The following B3GLCT variants were observed in gnomAD, a reference collection of about 807,000 sequenced individuals.
B3GLCT encodes the protein beta 3-glucosyltransferase, also known as beta-1,3-glucosyltransferase.
A neutral mutation model predicts 63.4 loss-of-function variants in B3GLCT; 65 were observed. That is an observed-to-expected ratio of 1.03 (90% confidence interval 0.84 to 1.26). B3GLCT has a LOEUF of 1.26. Among genes scored for constraint, B3GLCT ranks in the 50% most tolerant of loss-of-function variants. The probability of loss-of-function intolerance (pLI) is 0.00; values close to 1 mark genes in which losing one functional copy is unlikely to be tolerated. For missense variants in B3GLCT, 577 were observed against 604.8 expected (o/e 0.95, Z 0.48); for synonymous variants, 233 against 219.2 (o/e 1.06, Z -0.55).
At chr13:31,224,148 T>C (rs1869972715) in intron 3 of B3GLCT, among the ~76,000 whole-genome samples, 1 of 150,518 alleles carries the variant, frequency 6.6e-6, no homozygotes, top group Non-Finnish European at 1.5e-5. Flanking sequence ...CACAGGGGAG[T>C]GTTTTGGGGT....
intron 1 of B3GLCT, among the ~76,000 whole-genome samples, chr13:31,208,619 G>C (rs1283096513): frequency 4.6e-4 from 33 of 71,018 alleles, no homozygotes; most frequent in African/African-American, 1.2e-3. Flanking sequence ...TTCTTTAGTG[G>C]CCCCCCCCCC....
At chr13:31,308,875 C>T (rs117531723) in intron 12 of B3GLCT, among the ~76,000 whole-genome samples, 2,427 of 152,286 alleles carry the variant, frequency 0.016, 29 homozygotes, top group Non-Finnish European at 0.022. Context: ...GTGGCTGAAG[C>T]TTAGACTCAC....
At chr13:31,224,401 T>C (rs1185902220) in intron 3 of B3GLCT, among the ~76,000 whole-genome samples, 11 of 152,240 alleles carry the variant, frequency 7.2e-5, no homozygotes, top group African/African-American at 2.2e-4. Context: ...CTTGGACAAG[T>C]AAATTTATAT....
rs201005239 is a variant in B3GLCT at position 31,323,809 on chromosome 13, A to G, written c.1243A>G (p.Ser415Gly). The G allele has an allele frequency of 3.7e-6, 6 of 1,614,188 alleles. No homozygotes were observed. The highest frequency in any genetic ancestry group is 2.2e-5 in the East Asian group (1 of 44,886). ...TCTCGCCAGTAAATGTCGATGCTAC[A>G]GCAATGATGCTCCCGATGATATGGT... ...RLLASKCRCYSNDAPDDMVLG... is the reference protein window; with the variant it reads ...RLLASKCRCYGNDAPDDMVLG... Residue 415 changes from serine (S) to glycine (G), a missense_variant, in exon 14 of 15, where the codon AGC becomes GGC. Physicochemically the swap from Ser to Gly is moderately conservative, Grantham distance 56. Transcript: ENST00000343307.
chr13:31,312,673 A>G (rs1477304319), intron 12 of B3GLCT: 2 of 152,248 alleles, frequency 1.3e-5, no homozygotes, highest in African/African-American at 4.8e-5. Context: ...TTCAATAAGA[A>G]GTCGCAGGGA....
intron 14 of B3GLCT, among the ~76,000 whole-genome samples, chr13:31,326,632 C>T (rs962703058): frequency 1.3e-5 from 2 of 152,062 alleles, no homozygotes; most frequent in Non-Finnish European, 2.9e-5. Context: ...TATGCAGATG[C>T]CTACCACACT....
At chr13:31,309,118 G>A (rs1003726326) in intron 12 of B3GLCT, among the ~76,000 whole-genome samples, 3 of 152,118 alleles carry the variant, frequency 2.0e-5, no homozygotes, top group South Asian at 2.1e-4. Flanking sequence ...ACAGGTGATT[G>A]TTTGGCCACC....
At chr13:31,253,034 A>C (rs1368849704) in intron 6 of B3GLCT, among the ~76,000 whole-genome samples, 1 of 152,248 alleles carries the variant, frequency 6.6e-6, no homozygotes, top group African/African-American at 2.4e-5. Flanking sequence ...AGTGCAATCA[A>C]ATTAGAACTC....
At chr13:31,288,892 A>G (rs1417824846) in intron 12 of B3GLCT, among the ~76,000 whole-genome samples, 4 of 152,144 alleles carry the variant, frequency 2.6e-5, no homozygotes, top group Non-Finnish European at 4.4e-5. Flanking sequence ...AACAGATCCC[A>G]ATCAGTAAGA....
At chr13:31,297,946 A>G (rs1004025809) in intron 12 of B3GLCT, among the ~76,000 whole-genome samples, 1 of 152,234 alleles carries the variant, frequency 6.6e-6, no homozygotes, top group Non-Finnish European at 1.5e-5. Flanking sequence ...GGAACTCCAC[A>G]TGTTCAGATA....
chr13:31,262,064 A>G (rs1461979635), intron 7 of B3GLCT, among the ~76,000 whole-genome samples: 1 of 152,182 alleles, frequency 6.6e-6, no homozygotes, highest in Non-Finnish European at 1.5e-5. Context: ...GGGGAAGGAG[A>G]CAAAGCATGG....
chr13:31,281,598 T>C (rs1873072453), intron 10 of B3GLCT, among the ~76,000 whole-genome samples: 1 of 152,142 alleles, frequency 6.6e-6, no homozygotes, highest in Non-Finnish European at 1.5e-5. Flanking sequence ...TGTTAGGGCA[T>C]CCAGGAGGGA....
intron 12 of B3GLCT, among the ~76,000 whole-genome samples, chr13:31,316,946 G>T (rs1875068408): frequency 6.6e-6 from 1 of 152,198 alleles, no homozygotes; most frequent in Admixed American, 6.5e-5. Context: ...GGGGCCAAAA[G>T]GTATTCAAAA....
chr13:31,265,854 A>AGCTAG (rs1412967637), intron 7 of B3GLCT, among the ~76,000 whole-genome samples: 1 of 152,068 alleles, frequency 6.6e-6, no homozygotes, highest in Non-Finnish European at 1.5e-5. Context: ...TGAAAAAGTT[A>AGCTAG]GCTAGGAAGT....
chr13:31,323,660 G>C lies in B3GLCT; in HGVS notation c.1185-91G>C, dbSNP rs757243730. 228 of 1,444,660 alleles carry C rather than the reference G, an allele frequency of 1.6e-4. 1 individual carries two copies. In the Middle Eastern group the frequency reaches 1.8e-3, roughly 12 times the overall value. 89.5% of individuals were successfully genotyped at this position (1,444,660 alleles called of 1,614,324 possible). ...AGCTACTATTGCCTCTCAGTCTGCA[G>C]GAGTAAAGTCCTGTTTCCCGGGGCC... On this transcript the variant is annotated intron_variant, in intron 13 of 14. Transcript: ENST00000343307.
chr13:31,319,122 G>A (rs375660858), intron 13 of B3GLCT, among the ~76,000 whole-genome samples: 8 of 152,218 alleles, frequency 5.3e-5, no homozygotes, highest in South Asian at 2.1e-4. Context: ...GACCTCACAG[G>A]CCAGTGCCAG....
chr13:31,284,490 T>C lies in B3GLCT; in HGVS notation c.851-158T>C, dbSNP rs964825124. 3.9e-5 allele frequency among the ~76,000 whole-genome samples: 6 copies of C among 152,330 alleles called. No homozygotes were observed. In the South Asian group the frequency reaches 1.2e-3, roughly 32 times the overall value. On this transcript the variant is annotated intron_variant, in intron 10 of 14. Transcript: ENST00000343307. ...AAGAAGAGGGTTTTAGTCAACAACG[T>C]TGGCATTTCTCAGGGTTGGAAGCAA...
intron 1 of B3GLCT, among the ~76,000 whole-genome samples, chr13:31,214,052 A>G (rs1869431167): frequency 6.6e-6 from 1 of 152,210 alleles, no homozygotes; most frequent in African/African-American, 2.4e-5. Context: ...GGGAGGGATT[A>G]GAAGGGATCC....
chr13:31,270,395 CA>C (rs1872529914), intron 8 of B3GLCT, among the ~76,000 whole-genome samples: 1 of 152,134 alleles, frequency 6.6e-6, no homozygotes, highest in Non-Finnish European at 1.5e-5. Context: ...CTTAGAAAAA[CA>C]TAATTCTTCT....
Sources: gnomAD v4.1 joint callset for allele counts (sites outside exome capture counted in the v4.1 genomes callset) on GRCh38, gnomAD v4.1.1 for gene constraint, MANE v1.5 for transcripts, NCBI Gene and HGNC (gene_info 2026-07-23, HGNC 2026-07-21) for gene names.